TENM4: variants seen among roughly 807,000 people sequenced by gnomAD.
The protein encoded by TENM4 is teneurin-4.
In TENM4, 82 loss-of-function variants were observed where a neutral mutation model predicts 243.3. The observed-to-expected ratio is 0.34, with a 90% CI of 0.28 to 0.40. The LOEUF (loss-of-function observed/expected upper bound fraction) is 0.40. TENM4 is among the 10% of genes least tolerant of loss of function. The pLI, the probability that TENM4 is intolerant of heterozygous loss-of-function variation, is 1.00. For missense variants in TENM4, 3,138 were observed against 3,673.3 expected (o/e 0.85, Z 3.77); for synonymous variants, 1,412 against 1,456.3 (o/e 0.97, Z 0.69).
intron 24 of TENM4, among the ~76,000 whole-genome samples, chr11:78,721,504 C>G (rs1479639495): frequency 6.6e-6 from 1 of 152,176 alleles, no homozygotes; most frequent in Non-Finnish European, 1.5e-5. Context: ...GGCCAGGTGA[C>G]AAGGCTTTGG....
At chr11:78,950,141 C>G (rs1411839863) in intron 6 of TENM4, among the ~76,000 whole-genome samples, 1 of 152,148 alleles carries the variant, frequency 6.6e-6, no homozygotes, top group Non-Finnish European at 1.5e-5. Context: ...GGGCCACTGC[C>G]CCTTACCATT....
chr11:79,260,693 C>T (rs751678986), intron 2 of TENM4, among the ~76,000 whole-genome samples: 3 of 152,102 alleles, frequency 2.0e-5, no homozygotes, highest in Non-Finnish European at 4.4e-5. Context: ...TAATTCAACT[C>T]CCTTCTTCCT....
At chr11:79,004,822 T>C (rs1375604675) in intron 6 of TENM4, among the ~76,000 whole-genome samples, 2 of 151,570 alleles carry the variant, frequency 1.3e-5, no homozygotes, top group African/African-American at 4.8e-5. Flanking sequence ...GTTGGTTTTT[T>C]GATACAAGTA....
chr11:78,962,478 C>A (rs895568650), intron 6 of TENM4, among the ~76,000 whole-genome samples: 8 of 148,572 alleles, frequency 5.4e-5, no homozygotes, highest in Non-Finnish European at 8.9e-5. Context: ...CAACACGGGG[C>A]GATCTACTGC....
At chr11:78,969,724 C>A (rs1447117817) in intron 6 of TENM4, among the ~76,000 whole-genome samples, 1 of 152,154 alleles carries the variant, frequency 6.6e-6, no homozygotes, top group Admixed American at 6.5e-5. Context: ...TGAGCACTAG[C>A]TGTGGGCTGC....
chr11:79,019,606 T>C (rs1858871552), intron 6 of TENM4, among the ~76,000 whole-genome samples: 1 of 152,240 alleles, frequency 6.6e-6, no homozygotes, highest in African/African-American at 2.4e-5. Context: ...CACATTCTAA[T>C]TTATTATTTC....
At chr11:79,283,966 A>C (rs559983996) in intron 2 of TENM4, among the ~76,000 whole-genome samples, 1 of 152,308 alleles carries the variant, frequency 6.6e-6, no homozygotes, top group South Asian at 2.1e-4. Context: ...AGCATCAAAA[A>C]GGATAAAGTA....
intron 9 of TENM4, among the ~76,000 whole-genome samples, chr11:78,880,077 T>A (rs1859390920): frequency 6.6e-6 from 1 of 152,320 alleles, no homozygotes; most frequent in African/African-American, 2.4e-5. Context: ...AGAAAGAAGT[T>A]GGCATAGGAG....
intron 28 of TENM4, among the ~76,000 whole-genome samples, chr11:78,694,916 A>G (rs1385113958): frequency 1.3e-5 from 2 of 152,316 alleles, no homozygotes; most frequent in East Asian, 3.9e-4. Flanking sequence ...TCATCATTAC[A>G]GCTCCCACTG....
chr11:79,246,225 C>CA (rs1190234212), intron 2 of TENM4, among the ~76,000 whole-genome samples: 2 of 152,194 alleles, frequency 1.3e-5, no homozygotes, highest in Non-Finnish European at 2.9e-5. Flanking sequence ...AACGTCATTT[C>CA]ACTCCATCTT....
chr11:79,072,255 G>A (rs896147455), intron 4 of TENM4, among the ~76,000 whole-genome samples: 6 of 152,176 alleles, frequency 3.9e-5, no homozygotes, highest in African/African-American at 1.4e-4. Flanking sequence ...AGGAGGCGAA[G>A]TGGAAGGATC....
chr11:78,766,373 T>C (rs1856539348), intron 18 of TENM4, among the ~76,000 whole-genome samples: 1 of 152,172 alleles, frequency 6.6e-6, no homozygotes, highest in South Asian at 2.1e-4. Context: ...TGAATAAACA[T>C]CCCTATAAGA....
intron 1 of TENM4, among the ~76,000 whole-genome samples, chr11:79,414,288 C>T (rs1377490982): frequency 6.6e-5 from 10 of 152,126 alleles, no homozygotes; most frequent in African/African-American, 1.4e-4. Context: ...AAAGAGCTTT[C>T]GACTCTGCAC....
At chr11:79,195,460 A>C (rs1185293218) in intron 3 of TENM4, among the ~76,000 whole-genome samples, 1 of 152,060 alleles carries the variant, frequency 6.6e-6, no homozygotes, top group African/African-American at 2.4e-5. Context: ...AAAGCCAAAG[A>C]GGTGGAGTTG....
At chr11:79,230,691 G>A (rs1022217000) in intron 2 of TENM4, among the ~76,000 whole-genome samples, 1 of 152,184 alleles carries the variant, frequency 6.6e-6, no homozygotes, top group East Asian at 1.9e-4. Flanking sequence ...ATTTTTTACT[G>A]TCATCAGCAG....
intron 1 of TENM4, among the ~76,000 whole-genome samples, chr11:79,394,159 C>A (rs955588067): frequency 6.6e-6 from 1 of 152,204 alleles, no homozygotes; most frequent in Non-Finnish European, 1.5e-5. Flanking sequence ...CTGACATGTT[C>A]AGTAAAAGTC....
intron 31 of TENM4, 149 bp downstream of exon 31, chr11:78,671,884 C>T (rs983969310): frequency 1.4e-5 from 15 of 1,041,238 alleles, no homozygotes; most frequent in African/African-American, 3.2e-5. Flanking sequence ...CTCTTGGGAC[C>T]CCATGCCCTC....
intron 6 of TENM4, among the ~76,000 whole-genome samples, chr11:78,942,813 CAAAA>C (rs35375685): frequency 8.9e-6 from 1 of 111,834 alleles, no homozygotes; most frequent in Non-Finnish European, 1.8e-5. Context: ...TCATGACAGA[CAAAA>C]AAAAAAAAAA....
chr11:78,760,454 T>C (rs1856403473), intron 18 of TENM4, among the ~76,000 whole-genome samples: 1 of 152,208 alleles, frequency 6.6e-6, no homozygotes, highest in Non-Finnish European at 1.5e-5. Flanking sequence ...AAAAGAAGGA[T>C]GGTTAATTCC....
Sources: gnomAD v4.1 joint callset for allele counts (sites outside exome capture counted in the v4.1 genomes callset) on GRCh38, gnomAD v4.1.1 for gene constraint, MANE v1.5 for transcripts, NCBI Gene and HGNC (gene_info 2026-07-23, HGNC 2026-07-21) for gene names.